The following OPHN1 variants were observed in gnomAD, a reference collection of about 807,000 sequenced individuals.
OPHN1 encodes oligophrenin-1.
Under a neutral mutation model 60.7 loss-of-function variants are expected in OPHN1, and 11 were observed. The ratio of observed to expected loss-of-function variants is 0.18; its 90% CI spans 0.11 to 0.30. The LOEUF (loss-of-function observed/expected upper bound fraction) is 0.30, where lower values mean the gene tolerates loss of function less well. Ranked by LOEUF, OPHN1 falls within the 10% of genes least tolerant of loss-of-function variation. OPHN1 has a pLI of 1.00. For missense variants in OPHN1, 449 were observed against 611.0 expected, an observed-to-expected ratio of 0.73 and a Z score of 2.80; for synonymous variants, 226 against 222.6, an observed-to-expected ratio of 1.02 and a Z score of -0.14.
chrX:68,291,865 A>G (rs746290365), intron 3 of OPHN1, among the ~76,000 whole-genome samples: 2 of 111,063 alleles, frequency 1.8e-5, no homozygotes, highest in Non-Finnish European at 3.8e-5. Context: ...GGTTCTCCCT[A>G]TGGCAATAAC....
At chrX:68,133,193 T>A (rs2077205246) in intron 15 of OPHN1, 2 of 776,254 alleles carry the variant, frequency 2.6e-6, no homozygotes, top group Non-Finnish European at 4.0e-6. Flanking sequence ...TCAACCTCAC[T>A]CCTCAGCACT....
At chrX:68,295,231 C>T (rs1224467913) in intron 3 of OPHN1, among the ~76,000 whole-genome samples, 1 of 112,060 alleles carries the variant, frequency 8.9e-6, no homozygotes, top group African/African-American at 3.2e-5. Flanking sequence ...GGACATTTTA[C>T]AATCCTATAT....
chrX:68,070,690 C>G (rs942998293), intron 20 of OPHN1: 62 of 1,036,643 alleles, frequency 6.0e-5, no homozygotes, highest in Non-Finnish European at 8.4e-5. Flanking sequence ...CTAGAAGTGG[C>G]TTTCACCACC....
chrX:68,275,080 T>C lies in OPHN1; in HGVS notation c.313-271A>G, dbSNP rs535743692. Among the ~76,000 whole-genome samples the C allele has an allele frequency of 7.8e-4, 87 of 112,098 alleles. No individual in the cohort carries two copies. In the South Asian group the frequency reaches 0.012, roughly 15 times the overall value. On this transcript the variant is annotated intron_variant, in intron 4 of 24. Transcript: ENST00000355520. The stretch of plus-strand genomic sequence containing the variant: ...TTTAATCGATAAATATCTGAAGTGA[T>C]GTCCAGCAGAGGACACAGGAGACCT...
At chrX:68,212,660 C>G (rs1483923458) in intron 7 of OPHN1, among the ~76,000 whole-genome samples, 1 of 112,412 alleles carries the variant, frequency 8.9e-6, no homozygotes, top group Non-Finnish European at 1.9e-5. Flanking sequence ...TAAACGCAGT[C>G]AAACACAAAC....
At chrX:68,405,962 GGTA>G (rs1029340866) in intron 2 of OPHN1, among the ~76,000 whole-genome samples, 5 of 109,230 alleles carry the variant, frequency 4.6e-5, no homozygotes, top group African/African-American at 1.7e-4. Flanking sequence ...TGGCCAACAT[GGTA>G]AAAACCCCAT....
chrX:68,111,885 T>C lies in OPHN1; in HGVS notation c.1495A>G (p.Met499Val). 8.3e-7 allele frequency: 1 copy of C among 1,205,944 alleles called. No individual in the cohort carries two copies. The highest frequency in any genetic ancestry group is 1.1e-6 in the Non-Finnish European group (1 of 890,606). Residue 499 changes from methionine to valine, a missense_variant, in exon 18 of 25, where the codon ATG becomes GTG. Around this residue, in one of 4 missense-constraint regions of OPHN1, gnomAD observed 166 missense variants for 278.4 expected, o/e 0.60. Coordinates refer to ENST00000355520, the MANE Select transcript of OPHN1 (RefSeq NM_002547.3). ...AAGTGTCTTATCAGAAGTTCCAGCATCTCTCGGTTCTTTTCTGGTAGCTTA... is the reference window on the plus strand; with the variant it reads ...AAGTGTCTTATCAGAAGTTCCAGCACCTCTCGGTTCTTTTCTGGTAGCTTA... ...VYKLPEKNREMLELLIRHLVN... is the reference protein window; with the variant it reads ...VYKLPEKNREVLELLIRHLVN...
At chrX:68,255,437 C>T (rs984811927) in intron 5 of OPHN1, among the ~76,000 whole-genome samples, 7 of 112,482 alleles carry the variant, frequency 6.2e-5, no homozygotes, top group Non-Finnish European at 1.1e-4. Context: ...TAAACATTTG[C>T]TCAAACACTA....
rs771844717 is a variant in OPHN1 at position 68,394,213 on chromosome X, C to T, written c.154+38654G>A. 3.9e-5 allele frequency among the ~76,000 whole-genome samples: 4 copies of T among 103,098 alleles called. No homozygotes were observed. In the East Asian group the frequency reaches 1.2e-3, roughly 32 times the overall value. 89.5% of individuals were successfully genotyped at this position (103,098 alleles called of 115,157 possible). A position where few individuals can be genotyped will look rare whatever the true frequency, so the allele number is the denominator to read the frequency against. On this transcript the variant is annotated intron_variant, in intron 2 of 24. Transcript: ENST00000355520. Reference sequence around the variant, plus strand: ...CCCGGCCTGACTTTGTTAAATAATACGTCATTTCCCCACTGCTCTGAAATG... The same window carrying T: ...CCCGGCCTGACTTTGTTAAATAATATGTCATTTCCCCACTGCTCTGAAATG...
intron 5 of OPHN1, among the ~76,000 whole-genome samples, chrX:68,265,738 G>A (rs1025377000): frequency 7.2e-5 from 8 of 111,276 alleles, no homozygotes; most frequent in African/African-American, 2.6e-4. Flanking sequence ...CCGAGCTAAA[G>A]GAGGAAGTTT....
At chrX:68,119,419 T>C in intron 15 of OPHN1, 87 bp from the exon 16 acceptor site, 1 of 651,528 alleles carries the variant, frequency 1.5e-6, no homozygotes, top group Non-Finnish European at 2.5e-6. Flanking sequence ...ACAAAGTATA[T>C]TACCCTAAGT....
chrX:68,266,117 C>T (rs2077924672), intron 5 of OPHN1, among the ~76,000 whole-genome samples: 1 of 111,467 alleles, frequency 9.0e-6, no homozygotes, highest in Non-Finnish European at 1.9e-5. Context: ...GGATATTATC[C>T]AGGAGAACTT....
chrX:68,235,212 C>T (rs932817687), intron 5 of OPHN1, among the ~76,000 whole-genome samples: 5 of 112,020 alleles, frequency 4.5e-5, no homozygotes, highest in African/African-American at 9.7e-5. Flanking sequence ...TTACTCTTCT[C>T]GAGTATGAAA....
chrX:68,226,909 T>C (rs1259430012), intron 6 of OPHN1, among the ~76,000 whole-genome samples: 1 of 111,745 alleles, frequency 8.9e-6, no homozygotes, highest in Non-Finnish European at 1.9e-5. Flanking sequence ...ATGGGCTAAA[T>C]GCTCCAATTA....
intron 6 of OPHN1, among the ~76,000 whole-genome samples, chrX:68,215,415 G>C (rs938922514): frequency 9.0e-6 from 1 of 111,513 alleles, no homozygotes; most frequent in East Asian, 2.8e-4. Flanking sequence ...AATACTTCAA[G>C]CAATAATGAC....
At chrX:68,419,077 G>A (rs1340230171) in intron 2 of OPHN1, among the ~76,000 whole-genome samples, 3 of 109,951 alleles carry the variant, frequency 2.7e-5, no homozygotes, top group Non-Finnish European at 3.8e-5. Context: ...GTGCGATCTC[G>A]GCTCACTGCA....
At chrX:68,400,587 T>G (rs1484835114) in intron 2 of OPHN1, among the ~76,000 whole-genome samples, 1 of 107,862 alleles carries the variant, frequency 9.3e-6, no homozygotes, top group African/African-American at 3.3e-5. Flanking sequence ...TTCTTCTCTC[T>G]TTTTTTTCTT....
intron 15 of OPHN1, among the ~76,000 whole-genome samples, chrX:68,121,931 A>G (rs779706385): frequency 2.5e-4 from 27 of 109,217 alleles, no homozygotes; most frequent in Non-Finnish European, 4.7e-4. Flanking sequence ...CCAAAAGGGA[A>G]CCCACTGCCT....
intron 18 of OPHN1, among the ~76,000 whole-genome samples, chrX:68,101,177 C>T (rs771782770): frequency 1.2e-4 from 14 of 112,113 alleles, no homozygotes; most frequent in Admixed American, 9.5e-4. Flanking sequence ...CAGTTACGAG[C>T]ACATTATTTA....
Sources: allele counts gnomAD v4.1 joint callset (sites outside exome capture counted in the v4.1 genomes callset), GRCh38; gene constraint gnomAD v4.1.1; regional missense constraint gnomAD v4.1.1; transcripts MANE v1.5; gene names NCBI Gene and HGNC (gene_info 2026-07-23, HGNC 2026-07-21).